Variants in ADGRL3 observed in about 807,000 individuals in gnomAD.
ADGRL3 encodes the protein adhesion G protein-coupled receptor L3, also known as calcium-independent alpha-latrotoxin receptor 3.
Under a neutral mutation model 153.5 loss-of-function variants are expected in ADGRL3, and 62 were observed. The ratio of observed to expected loss-of-function variants is 0.40; its 90% CI spans 0.33 to 0.50. ADGRL3 has a LOEUF of 0.50. ADGRL3 is among the 20% of genes least tolerant of loss of function. The pLI is 0.47. For synonymous variants in ADGRL3, 710 were observed against 672.5 expected, an observed-to-expected ratio of 1.06 and a Z score of -0.86; for missense variants, 1,641 against 1,859.4, an observed-to-expected ratio of 0.88 and a Z score of 2.16.
chr4:62,055,994 A>G (rs115779737), intron 25 of ADGRL3, among the ~76,000 whole-genome samples: 3,985 of 151,748 alleles, frequency 0.026, 184 homozygotes, highest in African/African-American at 0.092. Context: ...GGAAAGATTA[A>G]TGAACTCCTA....
chr4:61,445,043 C>T (rs948687349), intron 2 of ADGRL3, among the ~76,000 whole-genome samples: 4 of 86,988 alleles, frequency 4.6e-5, no homozygotes, highest in African/African-American at 1.4e-4. Context: ...AAGAGTGAGA[C>T]CCTGTCTAAA....
chr4:61,675,739 T>C (rs565533781), intron 5 of ADGRL3, among the ~76,000 whole-genome samples: 1 of 151,868 alleles, frequency 6.6e-6, no homozygotes, highest in African/African-American at 2.4e-5. Context: ...AGGCATGCGA[T>C]GTGTAATAAT....
chr4:61,647,544 C>T (rs761835661), intron 5 of ADGRL3, among the ~76,000 whole-genome samples: 11 of 151,972 alleles, frequency 7.2e-5, no homozygotes, highest in Non-Finnish European at 1.5e-4. Context: ...TTTCTTTTGA[C>T]GTTAGCCTTT....
At chr4:61,911,097 C>T (rs754763703) in intron 12 of ADGRL3, among the ~76,000 whole-genome samples, 3 of 152,160 alleles carry the variant, frequency 2.0e-5, no homozygotes, top group East Asian at 3.9e-4. Context: ...GATTTTAATG[C>T]GTTGTTGCCC....
rs1354515732 is a variant in ADGRL3, at chr4:62,076,859, C to T, written c.*5951C>T. 1.3e-5 allele frequency: 2 copies of T among 151,578 alleles called. No individual in the cohort carries two copies. Among genetic ancestry groups the T allele is most frequent in the African/African-American group, 4.8e-5 (2 of 41,334 alleles). The allele number at this position is 151,578 out of a possible 1,614,324, so 9.4% of individuals were successfully genotyped here. A position where few individuals can be genotyped will look rare whatever the true frequency, so the allele number is the denominator to read the frequency against. On this transcript the variant is annotated 3_prime_UTR_variant, in exon 27 of 27. Coordinates refer to ENST00000683033, the MANE Select transcript of ADGRL3 (RefSeq NM_001387552.1). Reference sequence around the variant, plus strand: ...TTTAGTAGCTTTGTACCTTTTAAAGCTCTATTATGAATCTTTCTAATACAT... The same window carrying T: ...TTTAGTAGCTTTGTACCTTTTAAAGTTCTATTATGAATCTTTCTAATACAT...
intron 6 of ADGRL3, among the ~76,000 whole-genome samples, chr4:61,710,887 C>G (rs1322247351): frequency 6.6e-6 from 1 of 152,142 alleles, no homozygotes; most frequent in Non-Finnish European, 1.5e-5. Flanking sequence ...TTGACATTGG[C>G]TGTACTTCAA....
chr4:61,228,774 A>G (rs1260878545), intron 1 of ADGRL3, among the ~76,000 whole-genome samples: 4 of 152,052 alleles, frequency 2.6e-5, no homozygotes, highest in Non-Finnish European at 4.4e-5. Flanking sequence ...CTCACTGCAA[A>G]CTCTACCTCC....
chr4:61,577,979 G>A (rs2098900032), intron 4 of ADGRL3, among the ~76,000 whole-genome samples: 1 of 151,888 alleles, frequency 6.6e-6, no homozygotes, highest in Admixed American at 6.6e-5. Context: ...ATTATATTAT[G>A]TTTTGTGCTG....
chr4:61,946,239 C>G (rs1339825836), intron 15 of ADGRL3, among the ~76,000 whole-genome samples: 2 of 152,092 alleles, frequency 1.3e-5, no homozygotes, highest in Non-Finnish European at 2.9e-5. Flanking sequence ...TGTGGTCGGT[C>G]TTTTCAATTT....
At chr4:61,452,414 C>T (rs1354392136) in intron 2 of ADGRL3, among the ~76,000 whole-genome samples, 1 of 152,222 alleles carries the variant, frequency 6.6e-6, no homozygotes, top group Non-Finnish European at 1.5e-5. Context: ...ACATCTCCAA[C>T]TCAGAATCAG....
At chr4:61,357,860 A>G (rs111920775) in intron 1 of ADGRL3, among the ~76,000 whole-genome samples, 3,445 of 152,270 alleles carry the variant, frequency 0.023, 126 homozygotes, top group African/African-American at 0.079. Flanking sequence ...ATAAATCACA[A>G]GCAGACACCT....
At chr4:61,581,583 T>C in intron 4 of ADGRL3, among the ~76,000 whole-genome samples, 1 of 152,018 alleles carries the variant, frequency 6.6e-6, no homozygotes, top group East Asian at 1.9e-4. Flanking sequence ...TGATTACCTA[T>C]CCTGACTCAA....
At chr4:61,524,088 C>T (rs1020757964) in intron 4 of ADGRL3, among the ~76,000 whole-genome samples, 5 of 152,074 alleles carry the variant, frequency 3.3e-5, no homozygotes, top group Admixed American at 2.0e-4. Flanking sequence ...AGATACTTCT[C>T]AGAATAAGTC....
At chr4:61,666,543 GAAA>G (rs35300313) in intron 5 of ADGRL3, among the ~76,000 whole-genome samples, 1 of 143,110 alleles carries the variant, frequency 7.0e-6, no homozygotes. Context: ...TGTCCCAGAT[GAAA>G]AAAAAAAAAG....
intron 2 of ADGRL3, among the ~76,000 whole-genome samples, chr4:61,418,998 A>C (rs1017482577): frequency 6.7e-6 from 1 of 150,330 alleles, no homozygotes; most frequent in African/African-American, 2.5e-5. Flanking sequence ...AAGCTTTACT[A>C]TGGTTTCAAT....
intron 6 of ADGRL3, among the ~76,000 whole-genome samples, chr4:61,698,250 G>A (rs1367111230): frequency 1.3e-5 from 2 of 152,126 alleles, no homozygotes; most frequent in Admixed American, 1.3e-4. Flanking sequence ...AGGAGATTGA[G>A]ACCATCCTGG....
chr4:61,968,290 C>T (rs965321977), intron 17 of ADGRL3, among the ~76,000 whole-genome samples: 2 of 151,930 alleles, frequency 1.3e-5, no homozygotes, highest in Admixed American at 6.6e-5. Flanking sequence ...TTTTTTCACT[C>T]TATGGCTTTT....
chr4:62,012,314 A>T (rs1321670367), intron 21 of ADGRL3, among the ~76,000 whole-genome samples: 1 of 152,202 alleles, frequency 6.6e-6, no homozygotes, highest in South Asian at 2.1e-4. Context: ...CTGATTAAAC[A>T]TCAACTTGAA....
At chr4:61,644,573 A>G (rs1580049818) in intron 5 of ADGRL3, among the ~76,000 whole-genome samples, 1 of 152,138 alleles carries the variant, frequency 6.6e-6, no homozygotes, top group Admixed American at 6.6e-5. Context: ...CAGCTTGTTC[A>G]GTTTCCATGT....
Sources: allele counts gnomAD v4.1 joint callset (sites outside exome capture counted in the v4.1 genomes callset), GRCh38; gene constraint gnomAD v4.1.1; transcripts MANE v1.5; gene names NCBI Gene and HGNC (gene_info 2026-07-23, HGNC 2026-07-21).